GNA11: variants seen among roughly 807,000 people sequenced by gnomAD.
GNA11 encodes the protein G protein subunit alpha 11.
Under a neutral mutation model 38.2 loss-of-function variants are expected in GNA11, and 8 were observed. That is an observed-to-expected ratio of 0.21 (90% confidence interval 0.12 to 0.38). The LOEUF is 0.38. Among genes scored for constraint, GNA11 ranks in the 10% least tolerant of loss-of-function variants. The probability of loss-of-function intolerance (pLI) is 1.00; values close to 1 mark genes in which losing one functional copy is unlikely to be tolerated. For missense variants in GNA11, 268 were observed against 516.3 expected, an observed-to-expected ratio of 0.52 and a Z score of 4.66; for synonymous variants, 211 against 221.4, an observed-to-expected ratio of 0.95 and a Z score of 0.42.
At chr19:3,101,246 G>A (rs1294442325) in intron 1 of GNA11, among the ~76,000 whole-genome samples, 1 of 152,170 alleles carries the variant, frequency 6.6e-6, no homozygotes, top group Non-Finnish European at 1.5e-5. Context: ...TGGGTGCTGG[G>A]CCCCGCCACC....
At chr19:3,105,871 G>A (rs1410278744) in intron 1 of GNA11, among the ~76,000 whole-genome samples, 4 of 152,162 alleles carry the variant, frequency 2.6e-5, no homozygotes, top group Non-Finnish European at 2.9e-5. Flanking sequence ...GTGGACAGAA[G>A]GCTCTGTCCT....
chr19:3,109,455 G>A (rs1167331557), intron 1 of GNA11, among the ~76,000 whole-genome samples: 2 of 152,194 alleles, frequency 1.3e-5, no homozygotes, highest in Non-Finnish European at 2.9e-5. Context: ...TAGCGTACTC[G>A]TCTCTGGAAG....
Position 3,094,896 on chromosome 19 carries a change from C to G in GNA11, c.136+109C>G. 1.2e-6 allele frequency: 1 copy of G among 804,364 alleles called. No homozygotes were observed. Among genetic ancestry groups the G allele is most frequent in the Non-Finnish European group, 1.8e-6 (1 of 567,534 alleles). 49.8% of individuals were successfully genotyped at this position (804,364 alleles called of 1,614,324 possible). ...CCGGGGTCAGCCCTGCCTGTGCCGT[C>G]CGGGTCGCGAGACCCTCCGGGGTCA... On this transcript the variant is annotated intron_variant, in intron 1 of 6. Coordinates refer to ENST00000078429, the MANE Select transcript of GNA11 (RefSeq NM_002067.5). This position sits in a 1 kb window ranked among gnomAD's most constrained non-coding sequence, Gnocchi z 6.0.
At chr19:3,098,972 C>T (rs1281289105) in intron 1 of GNA11, among the ~76,000 whole-genome samples, 1 of 152,228 alleles carries the variant, frequency 6.6e-6, no homozygotes, top group East Asian at 1.9e-4. Context: ...CTCCGTTCCA[C>T]AGCTGTGAGC....
chr19:3,111,315 C>T (rs1362847084), intron 2 of GNA11, among the ~76,000 whole-genome samples: 2 of 152,196 alleles, frequency 1.3e-5, no homozygotes, highest in Admixed American at 6.5e-5. Context: ...CCCCATCGGC[C>T]GTCACTCCCA....
At chr19:3,096,787 G>A (rs1449212547) in intron 1 of GNA11, among the ~76,000 whole-genome samples, 1 of 152,066 alleles carries the variant, frequency 6.6e-6, no homozygotes, top group Non-Finnish European at 1.5e-5. Flanking sequence ...TCAGGGCCAG[G>A]CGTGGCAGAT....
intron 1 of GNA11, among the ~76,000 whole-genome samples, chr19:3,095,110 C>T (rs1023346995): frequency 2.1e-3 from 318 of 152,170 alleles, no homozygotes; most frequent in Non-Finnish European, 3.7e-3. Flanking sequence ...ACCTGGGACC[C>T]TCCGGGGTCA....
At chr19:3,113,512 TG>T (rs770977578) in intron 3 of GNA11, 28 bp downstream of exon 3, 33 of 1,520,262 alleles carry the variant, frequency 2.2e-5, no homozygotes, top group Non-Finnish European at 2.8e-5. Context: ...GCTGGCGGCC[TG>T]GGGACGGCAG....
chr19:3,111,305 C>T (rs1041809017), intron 2 of GNA11, among the ~76,000 whole-genome samples: 17 of 152,206 alleles, frequency 1.1e-4, no homozygotes, highest in African/African-American at 4.1e-4. Context: ...GAAGCCCCTT[C>T]CCCATCGGCC....
Position 3,121,579 on chromosome 19 carries a change from A to G in GNA11, c.*400A>G, listed in dbSNP as rs1171754132. The stretch of plus-strand genomic sequence containing the variant: ...CAGCCAGCATGGGGCCCCGCCCTGC[A>G]GCCAGTCACGCGCCCCCACACCGCA... On this transcript the variant is annotated 3_prime_UTR_variant, in exon 7 of 7. Transcript: ENST00000078429. 8.5e-6 allele frequency: 2 copies of G among 234,326 alleles called. No individual in the cohort carries two copies. The allele number at this position is 234,326 out of a possible 1,614,324, so 14.5% of individuals were successfully genotyped here.
chr19:3,115,931 G>A (rs1257416110), intron 4 of GNA11, among the ~76,000 whole-genome samples: 3 of 139,396 alleles, frequency 2.2e-5, no homozygotes, highest in African/African-American at 6.3e-5. Flanking sequence ...CATGGGGACC[G>A]AGGCTGTGAG....
Position 3,120,678 on chromosome 19 carries a change from A to T in GNA11, c.890-311A>T, listed in dbSNP as rs1914048890. Among the ~76,000 whole-genome samples, 1 of 152,110 alleles carries T rather than the reference A, an allele frequency of 6.6e-6. No individual in the cohort carries two copies. The highest frequency in any genetic ancestry group is 2.4e-5 in the African/African-American group (1 of 41,436). On this transcript the variant is annotated intron_variant, in intron 6 of 6. Coordinates refer to ENST00000078429, the MANE Select transcript of GNA11 (RefSeq NM_002067.5). This position sits in a 1 kb window ranked among gnomAD's most constrained non-coding sequence, Gnocchi z 5.9. Reference sequence around the variant, plus strand: ...AGCCATGCCAGAGGCCTGCCCTGGAAGGCTGTGGCTGTGGAGCTGAGTGGA... The same window carrying T: ...AGCCATGCCAGAGGCCTGCCCTGGATGGCTGTGGCTGTGGAGCTGAGTGGA...
rs142364701 is a variant in GNA11 at position 3,110,512 on chromosome 19, G to A, written c.321+179G>A. 2.0e-3 allele frequency among the ~76,000 whole-genome samples: 304 copies of A among 152,308 alleles called. 1 individual carries two copies. Among genetic ancestry groups the A allele is most frequent in the African/African-American group, 7.1e-3 (294 of 41,574 alleles). On this transcript the variant is annotated intron_variant, in intron 2 of 6. Transcript: ENST00000078429. This position sits in a 1 kb window ranked among gnomAD's most constrained non-coding sequence, Gnocchi z 5.4. ...AAACAGCAACCGCTGACTTCCTGGG[G>A]GCCAACTGGAGAGTTGTGATGGGCA...
intron 1 of GNA11, among the ~76,000 whole-genome samples, chr19:3,106,638 C>T (rs114819334): frequency 0.028 from 2,153 of 76,082 alleles, 67 homozygotes; most frequent in African/African-American, 0.081. Context: ...GGGAGTGGTG[C>T]ACATGGGTTA....
rs1262471241 is a variant in GNA11 at position 3,121,702 on chromosome 19, T to A, written c.*523T>A. ...AGGCGTGGAGACTCGGAGACGGACG[T>A]TTTTCCCCTTTTTTAAGTTATTGAC... On this transcript the variant is annotated 3_prime_UTR_variant, in exon 7 of 7. Transcript: ENST00000078429. 1 of 232,186 alleles carries A rather than the reference T, an allele frequency of 4.3e-6. No homozygotes were observed. The highest frequency in any genetic ancestry group is 2.2e-5 in the African/African-American group (1 of 45,256). The allele number at this position is 232,186 out of a possible 1,614,324, so 14.4% of individuals were successfully genotyped here.
chr19:3,114,831 G>A (rs573323133), intron 3 of GNA11, 113 bp from the exon 4 acceptor site: 43 of 1,015,738 alleles, frequency 4.2e-5, no homozygotes, highest in South Asian at 3.7e-4. Context: ...GGCGCAGTGC[G>A]CGGTCCACCC....
At chr19:3,096,647 T>C (rs2145302509) in intron 1 of GNA11, among the ~76,000 whole-genome samples, 1 of 152,232 alleles carries the variant, frequency 6.6e-6, no homozygotes, top group South Asian at 2.1e-4. Flanking sequence ...GCATCCTCTG[T>C]CCAGTGCCCG....
In GNA11 at chr19:3,105,441, G is replaced by A. The variant is rs530368112; in HGVS notation, c.137-4708G>A. Among the ~76,000 whole-genome samples, 106 of 151,544 alleles carry A rather than the reference G, an allele frequency of 7.0e-4. 1 individual carries two copies. The South Asian group carries it at 0.021, about 30-fold the overall frequency. On this transcript the variant is annotated intron_variant, in intron 1 of 6. Coordinates refer to ENST00000078429, the MANE Select transcript of GNA11 (RefSeq NM_002067.5). ...TTGTGCTTCCTGGTACATAGACAGC[G>A]GCGCTGTGGATTTGGTGTAGGGGGT...
chr19:3,096,319 T>TA (rs1837952251), intron 1 of GNA11, among the ~76,000 whole-genome samples: 1 of 152,104 alleles, frequency 6.6e-6, no homozygotes, highest in African/African-American at 2.4e-5. Flanking sequence ...TCCTCACGTT[T>TA]GGAGGAAATG....
Sources: gnomAD v4.1 joint callset for allele counts (sites outside exome capture counted in the v4.1 genomes callset) on GRCh38, gnomAD v4.1.1 for gene constraint, Gnocchi (gnomAD v3.1) non-coding constraint, MANE v1.5 for transcripts, NCBI Gene and HGNC (gene_info 2026-07-23, HGNC 2026-07-21) for gene names.